MCHR2: variants seen among roughly 807,000 people sequenced by gnomAD.
MCHR2 encodes the protein melanin-concentrating hormone receptor 2.
Under a neutral mutation model 24.8 loss-of-function variants are expected in MCHR2, and 15 were observed. The observed-to-expected ratio is 0.60, with a 90% confidence interval of 0.40 to 0.93. MCHR2 has a LOEUF of 0.93. Ranked by LOEUF, MCHR2 falls within the 40% of genes least tolerant of loss-of-function variation. The pLI is 0.00. For missense variants in MCHR2, 386 were observed against 408.7 expected, an observed-to-expected ratio of 0.94 and a Z score of 0.48; for synonymous variants, 151 against 147.6, an observed-to-expected ratio of 1.02 and a Z score of -0.17.
chr6:99,955,638 G>A (rs4840106), intron 2 of MCHR2, among the ~76,000 whole-genome samples: 42,664 of 151,882 alleles, frequency 0.28, 7,087 homozygotes, highest in East Asian at 0.76. Flanking sequence ...TGGGTCTGGG[G>A]TGAAACTGCA....
At chr6:99,928,187 C>A (rs1774413661) in intron 5 of MCHR2, among the ~76,000 whole-genome samples, 1 of 152,112 alleles carries the variant, frequency 6.6e-6, no homozygotes, top group African/African-American at 2.4e-5. Flanking sequence ...GGGATGAAGC[C>A]CACTTGATCA....
chr6:99,931,559 C>A (rs775949671), intron 5 of MCHR2, among the ~76,000 whole-genome samples: 9 of 152,184 alleles, frequency 5.9e-5, no homozygotes, highest in South Asian at 4.1e-4. Flanking sequence ...AACCCTCCCC[C>A]ACCCTCGCTG....
At chr6:99,960,526 C>A (rs770147376) in intron 1 of MCHR2, among the ~76,000 whole-genome samples, 2 of 152,180 alleles carry the variant, frequency 1.3e-5, no homozygotes, top group African/African-American at 2.4e-5. Flanking sequence ...ATAGCCAAGA[C>A]AATCCTAGGC....
intron 1 of MCHR2, among the ~76,000 whole-genome samples, chr6:99,959,950 A>G (rs1024827826): frequency 2.0e-5 from 3 of 152,008 alleles, no homozygotes; most frequent in Non-Finnish European, 2.9e-5. Context: ...AAAGGGACAG[A>G]AAGCTTATTT....
At chr6:99,986,757 C>T (rs1361964723) in intron 1 of MCHR2, among the ~76,000 whole-genome samples, 1 of 151,368 alleles carries the variant, frequency 6.6e-6, no homozygotes, top group African/African-American at 2.4e-5. Context: ...ACTAATAGCC[C>T]CAGACTTCAC....
At chr6:99,941,223 T>A (rs1488727826) in intron 4 of MCHR2, among the ~76,000 whole-genome samples, 12 of 142,714 alleles carry the variant, frequency 8.4e-5, no homozygotes, top group Non-Finnish European at 1.5e-4. Flanking sequence ...CTGATTCTGT[T>A]ACAGTTGGCT....
chr6:99,993,760 G>C (rs1775932920), intron 1 of MCHR2, among the ~76,000 whole-genome samples, 176 bp downstream of exon 1: 2 of 152,154 alleles, frequency 1.3e-5, no homozygotes, highest in African/African-American at 2.4e-5. Flanking sequence ...GCCAAACTTT[G>C]TACCTTCTGG....
At chr6:99,967,378 G>A (rs970640472) in intron 1 of MCHR2, among the ~76,000 whole-genome samples, 1 of 152,134 alleles carries the variant, frequency 6.6e-6, no homozygotes, top group Non-Finnish European at 1.5e-5. Flanking sequence ...AGTCTGAAAA[G>A]TGATAATAAA....
chr6:99,955,611 T>TA (rs1242625757), intron 2 of MCHR2, among the ~76,000 whole-genome samples: 1 of 152,110 alleles, frequency 6.6e-6, no homozygotes, highest in Non-Finnish European at 1.5e-5. Context: ...GCCCTACCCT[T>TA]AGAGATTCTG....
intron 5 of MCHR2, among the ~76,000 whole-genome samples, chr6:99,928,847 C>T (rs1774434455): frequency 6.6e-6 from 1 of 152,150 alleles, no homozygotes; most frequent in African/African-American, 2.4e-5. Context: ...TTCAGTTCTG[C>T]TCTGATTTTA....
At chr6:99,956,976 A>T (rs1775076137) in intron 1 of MCHR2, among the ~76,000 whole-genome samples, 1 of 151,808 alleles carries the variant, frequency 6.6e-6, no homozygotes. Context: ...ATTTATATTT[A>T]TGTGTGTCTG....
chr6:99,973,046 TG>T (rs1208172839), intron 1 of MCHR2, among the ~76,000 whole-genome samples: 3 of 152,150 alleles, frequency 2.0e-5, no homozygotes, highest in Non-Finnish European at 4.4e-5. Flanking sequence ...TCTATTGATT[TG>T]GGGTGGAGAG....
Position 99,928,098 on chromosome 6 carries a change from G to T in MCHR2, c.707+6300C>A, listed in dbSNP as rs533668657. ...TTTCTGCATCTATTGAGATAATCGT[G>T]TGGTTTTTGTCTTTGGTTCTGTTTA... is the stretch of plus-strand genomic sequence containing the variant. On this transcript the variant is annotated intron_variant, in intron 5 of 5. Transcript: ENST00000281806. 3.3e-5 allele frequency among the ~76,000 whole-genome samples: 5 copies of T among 152,284 alleles called. No individual in the cohort carries two copies. The East Asian group carries it at 9.7e-4, about 29-fold the overall frequency.
chr6:99,949,657 T>C (rs1453438348), intron 2 of MCHR2, among the ~76,000 whole-genome samples: 4 of 152,098 alleles, frequency 2.6e-5, no homozygotes, highest in Non-Finnish European at 5.9e-5. Context: ...ATGGAGTCCT[T>C]ATTCAGCAAC....
At chr6:99,978,305 C>G (rs1341830705) in intron 1 of MCHR2, among the ~76,000 whole-genome samples, 1 of 151,952 alleles carries the variant, frequency 6.6e-6, no homozygotes, top group Non-Finnish European at 1.5e-5. Context: ...CAATGCATGA[C>G]ACAGAATTAA....
At chr6:99,973,181 T>G (rs969163869) in intron 1 of MCHR2, among the ~76,000 whole-genome samples, 4 of 151,814 alleles carry the variant, frequency 2.6e-5, no homozygotes, top group African/African-American at 9.7e-5. Context: ...TCTCCCATTA[T>G]TATTGTGTGG....
chr6:99,979,647 G>A (rs1178072568), intron 1 of MCHR2, among the ~76,000 whole-genome samples: 1 of 151,934 alleles, frequency 6.6e-6, no homozygotes, highest in Non-Finnish European at 1.5e-5. Context: ...TTTTAATGTG[G>A]CTACTAAAAA....
chr6:99,946,995 T>C (rs906812453), intron 3 of MCHR2, among the ~76,000 whole-genome samples: 1 of 152,140 alleles, frequency 6.6e-6, no homozygotes, highest in Non-Finnish European at 1.5e-5. Context: ...GTTACAACTA[T>C]CTGCCATCTC....
intron 4 of MCHR2, among the ~76,000 whole-genome samples, chr6:99,938,713 T>C (rs1049248211): frequency 6.6e-6 from 1 of 152,010 alleles, no homozygotes; most frequent in Non-Finnish European, 1.5e-5. Flanking sequence ...TTAGGTCTAG[T>C]GTGTAGTTTA....
Sources: allele counts gnomAD v4.1 joint callset (sites outside exome capture counted in the v4.1 genomes callset), GRCh38; gene constraint gnomAD v4.1.1; transcripts MANE v1.5; gene names NCBI Gene and HGNC (gene_info 2026-07-23, HGNC 2026-07-21).